Variants in ME3 observed in about 807,000 individuals in gnomAD.
ME3 encodes the protein NADP-dependent malic enzyme, mitochondrial.
Under a neutral mutation model 68.9 loss-of-function variants are expected in ME3, and 48 were observed. The observed-to-expected ratio is 0.70, with a 90% CI of 0.55 to 0.89. The LOEUF (loss-of-function observed/expected upper bound fraction) is 0.89. Among genes scored for constraint, ME3 ranks in the 40% least tolerant of loss-of-function variants. The probability of loss-of-function intolerance (pLI) is 0.00; values close to 1 mark genes in which losing one functional copy is unlikely to be tolerated. For missense variants in ME3, 675 were observed against 797.4 expected, an observed-to-expected ratio of 0.85 and a Z score of 1.85; for synonymous variants, 320 against 318.8, an observed-to-expected ratio of 1.00 and a Z score of -0.04.
chr11:86,666,057 A>T (rs926369510), intron 2 of ME3, among the ~76,000 whole-genome samples: 1 of 152,224 alleles, frequency 6.6e-6, no homozygotes, highest in African/African-American at 2.4e-5. Flanking sequence ...TGAAAGCTTC[A>T]TATCAACATT....
intron 13 of ME3, among the ~76,000 whole-genome samples, chr11:86,444,522 A>G (rs1949175083): frequency 6.6e-6 from 1 of 152,204 alleles, no homozygotes; most frequent in Non-Finnish European, 1.5e-5. Context: ...CAAGATTTCC[A>G]TGGCTAGATA....
At chr11:86,549,661 G>C (rs1430855738) in intron 4 of ME3, among the ~76,000 whole-genome samples, 1 of 152,242 alleles carries the variant, frequency 6.6e-6, no homozygotes, top group Non-Finnish European at 1.5e-5. Flanking sequence ...CATCACATGA[G>C]TGGGCAGCTA....
At chr11:86,606,067 A>G (rs1198437254) in intron 2 of ME3, among the ~76,000 whole-genome samples, 1 of 152,108 alleles carries the variant, frequency 6.6e-6, no homozygotes, top group Non-Finnish European at 1.5e-5. Context: ...TGTTGCAGAG[A>G]GAAGACTCCA....
intron 7 of ME3, among the ~76,000 whole-genome samples, chr11:86,476,286 A>G (rs907955891): frequency 2.0e-5 from 3 of 152,204 alleles, no homozygotes; most frequent in Admixed American, 6.5e-5. Context: ...AGGCTGGGAA[A>G]ATAGCGAGCA....
At chr11:86,494,266 G>A (rs1378081136) in intron 6 of ME3, among the ~76,000 whole-genome samples, 6 of 152,128 alleles carry the variant, frequency 3.9e-5, no homozygotes, top group Non-Finnish European at 2.9e-5. Flanking sequence ...GAGTGTCCAT[G>A]GGATCCTGCC....
intron 2 of ME3, among the ~76,000 whole-genome samples, chr11:86,617,565 C>T (rs1196416215): frequency 1.3e-5 from 2 of 152,092 alleles, no homozygotes; most frequent in African/African-American, 4.8e-5. Flanking sequence ...GCACTGATTG[C>T]CCAAAATAAC....
At chr11:86,574,245 C>G (rs552241411) in intron 2 of ME3, among the ~76,000 whole-genome samples, 1 of 152,098 alleles carries the variant, frequency 6.6e-6, no homozygotes, top group South Asian at 2.1e-4. Context: ...AGTTTTGTGC[C>G]CTTGCTGGAG....
intron 2 of ME3, among the ~76,000 whole-genome samples, chr11:86,589,741 T>C (rs534628371): frequency 6.6e-6 from 1 of 152,372 alleles, no homozygotes; most frequent in Non-Finnish European, 1.5e-5. Context: ...AGTACTTGCA[T>C]GGCTTCTGCT....
chr11:86,621,001 G>A (rs1008241612), intron 2 of ME3, among the ~76,000 whole-genome samples: 1 of 152,042 alleles, frequency 6.6e-6, no homozygotes, highest in Non-Finnish European at 1.5e-5. Context: ...GTTCCTGACC[G>A]GGCCTCCACC....
At chr11:86,466,173 C>A (rs1396551190) in intron 7 of ME3, among the ~76,000 whole-genome samples, 1 of 152,190 alleles carries the variant, frequency 6.6e-6, no homozygotes, top group Non-Finnish European at 1.5e-5. Context: ...CAGGCCCCCT[C>A]AGCTTCTGTG....
At chr11:86,604,185 T>G (rs1306282847) in intron 2 of ME3, among the ~76,000 whole-genome samples, 1 of 152,096 alleles carries the variant, frequency 6.6e-6, no homozygotes, top group Non-Finnish European at 1.5e-5. Context: ...AGTTTCATCA[T>G]GCAGATGAAG....
chr11:86,520,150 C>G (rs1594268910), intron 4 of ME3, among the ~76,000 whole-genome samples: 1 of 152,158 alleles, frequency 6.6e-6, no homozygotes, highest in Non-Finnish European at 1.5e-5. Context: ...ATGGAGGCCC[C>G]CTTTCCTTCT....
At chr11:86,548,855 C>T (rs2139399846) in intron 4 of ME3, among the ~76,000 whole-genome samples, 1 of 152,308 alleles carries the variant, frequency 6.6e-6, no homozygotes, top group Non-Finnish European at 1.5e-5. Flanking sequence ...TACTAATGTA[C>T]AGTGGGCCGT....
At chr11:86,563,798 A>G (rs1957351771) in intron 2 of ME3, among the ~76,000 whole-genome samples, 1 of 152,020 alleles carries the variant, frequency 6.6e-6, no homozygotes, top group Non-Finnish European at 1.5e-5. Flanking sequence ...CTTCTGTTCC[A>G]TTGGTCTACA....
intron 4 of ME3, among the ~76,000 whole-genome samples, chr11:86,532,487 A>C (rs535888194): frequency 2.0e-5 from 3 of 152,350 alleles, no homozygotes; most frequent in Admixed American, 2.0e-4. Flanking sequence ...GTCTTAACAA[A>C]TTTAAGGATG....
intron 7 of ME3, among the ~76,000 whole-genome samples, chr11:86,475,874 T>TATATATATATAGAGAGAGAGAGAGAG: frequency 2.6e-4 from 24 of 91,458 alleles, no homozygotes; most frequent in Middle Eastern, 6.0e-3. Context: ...TATATATATA[T>TATATATATATAGAGAGAGAGAGAGAG]AGAGAGAGAG....
At chr11:86,662,774 C>A (rs1271078891) in intron 2 of ME3, among the ~76,000 whole-genome samples, 1 of 152,172 alleles carries the variant, frequency 6.6e-6, no homozygotes, top group African/African-American at 2.4e-5. Flanking sequence ...CCCTCCATAA[C>A]GTTACCAAAG....
chr11:86,595,302 TATATAGAGAG>T (rs1326924947), intron 2 of ME3, among the ~76,000 whole-genome samples: 5 of 63,166 alleles, frequency 7.9e-5, no homozygotes, highest in Non-Finnish European at 1.4e-4. Flanking sequence ...CATATATATA[TATATAGAGAG>T]AGAGAGAGAG....
At chr11:86,462,029 A>G (rs1950247933) in intron 8 of ME3, among the ~76,000 whole-genome samples, 1 of 152,220 alleles carries the variant, frequency 6.6e-6, no homozygotes, top group Admixed American at 6.5e-5. Flanking sequence ...AAACCAATGA[A>G]TGTAAACAAA....
Sources: allele counts gnomAD v4.1 joint callset (sites outside exome capture counted in the v4.1 genomes callset), GRCh38; gene constraint gnomAD v4.1.1; transcripts MANE v1.5; gene names NCBI Gene and HGNC (gene_info 2026-07-23, HGNC 2026-07-21).